PPRC1: variants seen among roughly 807,000 people sequenced by gnomAD.
PPRC1 encodes peroxisome proliferator-activated receptor gamma coactivator-related protein 1.
PPRC1 carries 23 observed loss-of-function variants against 132.5 expected under a neutral mutation model. That is an observed-to-expected ratio of 0.17 (90% confidence interval 0.12 to 0.25). The LOEUF (loss-of-function observed/expected upper bound fraction) is 0.25, where lower values mean the gene tolerates loss of function less well. Among genes scored for constraint, PPRC1 ranks in the 10% least tolerant of loss-of-function variants. The probability of loss-of-function intolerance (pLI) is 1.00; values close to 1 mark genes in which losing one functional copy is unlikely to be tolerated. For synonymous variants in PPRC1, 872 were observed against 833.5 expected (o/e 1.05, Z -0.80); for missense variants, 2,006 against 2,089.1 (o/e 0.96, Z 0.78).
chr10:102,130,435 A>C (rs1448760965), upstream of PPRC1, among the ~76,000 whole-genome samples: 7 of 146,960 alleles, frequency 4.8e-5, no homozygotes, highest in East Asian at 8.2e-4. Context: ...AAAAAAAAAA[A>C]AAAAAAACAA....
the PPRC1 span, among the ~76,000 whole-genome samples, chr10:102,127,071 A>G: frequency 9.2e-6 from 1 of 108,448 alleles, no homozygotes; most frequent in Non-Finnish European, 2.0e-5. Flanking sequence ...ATATATATAA[A>G]TTAAAAAAAA....
chr10:102,130,427 A>C (rs572948785), upstream of PPRC1, among the ~76,000 whole-genome samples: 2 of 145,752 alleles, frequency 1.4e-5, no homozygotes, highest in African/African-American at 2.6e-5. Flanking sequence ...AAAAAAAAAA[A>C]AAAAAAAAAA....
chr10:102,134,309 G>T (rs1164415096), intron 1 of PPRC1, among the ~76,000 whole-genome samples: 2 of 152,160 alleles, frequency 1.3e-5, no homozygotes, highest in African/African-American at 2.4e-5. Flanking sequence ...GATGGGAAAA[G>T]TTGGAGGCGG....
At position 102,141,058 on chromosome 10, in the gene PPRC1, G is replaced by A. The variant is rs1228301954; in HGVS notation, c.2550G>A (p.Gln850=). The change falls in exon 5 of 14, where the codon CAG becomes CAA. Residue 850 remains glutamine, a synonymous_variant. Coordinates refer to ENST00000278070, the MANE Select transcript of PPRC1 (RefSeq NM_015062.5). ...ASSPTEQVPS[Q]EMPLLARPSP... ...CTCCCACTGAGCAGGTGCCATCCCAGGAGATGCCACTGTTGGCGAGACCTT... is the reference window on the plus strand; with the variant it reads ...CTCCCACTGAGCAGGTGCCATCCCAAGAGATGCCACTGTTGGCGAGACCTT... 6.2e-7 allele frequency: 1 copy of A among 1,614,032 alleles called. No homozygotes were observed. Among genetic ancestry groups the A allele is most frequent in the South Asian group, 1.1e-5 (1 of 91,092 alleles).
Position 102,149,939 on chromosome 10 carries a change from A to C in PPRC1, c.4905A>C (p.Glu1635Asp), listed in dbSNP as rs1210707752. The change falls in exon 14 of 14, where the codon GAA becomes GAC. Residue 1635 changes from glutamate (E) to aspartate (D), a missense_variant. Around this residue, in one of 2 missense-constraint regions of PPRC1, gnomAD observed 92 missense variants for 171.9 expected, o/e 0.54. Coordinates refer to ENST00000278070, the MANE Select transcript of PPRC1 (RefSeq NM_015062.5). ...RSYSDLDSNREDFDPAPVKSK... is the reference protein window; with the variant it reads ...RSYSDLDSNRDDFDPAPVKSK... ...TTACCTTTATAGACTCCAACCGGGA[A>C]GACTTTGACCCAGCACCTGTAAAGA... 1 of 1,611,832 alleles carries C rather than the reference A, an allele frequency of 6.2e-7. No homozygotes were observed. The highest frequency in any genetic ancestry group is 8.5e-7 in the Non-Finnish European group (1 of 1,177,952).
Position 102,139,271 on chromosome 10 carries a change from T to A in PPRC1, c.763T>A (p.Phe255Ile), listed in dbSNP as rs1034246743. ...DGEEEEEVAS[F>I]SGQILAGELD... ...AGAAGAAGAGGAGGAGGTGGCCAGC[T>A]TCAGTGGCCAGATTCTTGCCGGGGA... is the stretch of plus-strand genomic sequence containing the variant. Residue 255 changes from phenylalanine to isoleucine, a missense_variant, in exon 5 of 14, where the codon TTC (phenylalanine) becomes ATC (isoleucine). By Grantham distance (21) the Phe-to-Ile change is conservative. Around this residue, in one of 2 missense-constraint regions of PPRC1, gnomAD observed 1,914 missense variants for 1,917.2 expected, o/e 1.00. Coordinates refer to ENST00000278070, the MANE Select transcript of PPRC1 (RefSeq NM_015062.5). 13 of 1,614,030 alleles carry A rather than the reference T, an allele frequency of 8.1e-6. No individual in the cohort carries two copies. The African/African-American group carries it at 1.7e-4, about 22-fold the overall frequency.
chr10:102,127,051 ATATATATATATATAT>A, the PPRC1 span, among the ~76,000 whole-genome samples: 1 of 59,348 alleles, frequency 1.7e-5, no homozygotes, highest in Admixed American at 2.3e-4. Context: ...ATATATATAT[ATATATATATATATAT>A]ATAAATTAAA....
chr10:102,145,560 G>A (rs1196989461), intron 8 of PPRC1, among the ~76,000 whole-genome samples: 3 of 140,964 alleles, frequency 2.1e-5, no homozygotes, highest in African/African-American at 8.0e-5. Flanking sequence ...GACAGAGCAA[G>A]ACTATCTAAA....
rs1429795701 is a variant in PPRC1, at chr10:102,141,164, C to T, written c.2656C>T (p.Leu886Phe). The T allele has an allele frequency of 6.2e-7, 1 of 1,614,012 alleles. No individual in the cohort carries two copies. Among genetic ancestry groups the T allele is most frequent in the South Asian group, 1.1e-5 (1 of 91,088 alleles). The change falls in exon 5 of 14, where the codon CTT becomes TTT. Residue 886 changes from leucine (L) to phenylalanine (F), a missense_variant. By Grantham distance (22) the Leu-to-Phe change is conservative. Around this residue, in one of 2 missense-constraint regions of PPRC1, gnomAD observed 1,914 missense variants for 1,917.2 expected, o/e 1.00. Transcript: ENST00000278070. ...SAALPFPAGG[L>F]GMPPSLPPPP... The stretch of plus-strand genomic sequence containing the variant: ...TGCCCTGCCTTTCCCTGCAGGTGGG[C>T]TTGGCATGCCCCCCAGTCTGCCCCC...
chr10:102,126,108 C>T, the PPRC1 span, among the ~76,000 whole-genome samples: 5 of 151,762 alleles, frequency 3.3e-5, no homozygotes, highest in African/African-American at 4.8e-5. Flanking sequence ...GTGATCCACC[C>T]GCCTTGGCCT....
upstream of PPRC1, among the ~76,000 whole-genome samples, chr10:102,131,483 T>G (rs2133569726): frequency 6.6e-6 from 1 of 152,308 alleles, no homozygotes; most frequent in Non-Finnish European, 1.5e-5. Context: ...ATGCAATATT[T>G]CTAAAGGGCA....
intron 12 of PPRC1, 71 bp downstream of exon 12, chr10:102,149,009 C>A: frequency 1.3e-6 from 2 of 1,587,356 alleles, no homozygotes; most frequent in Non-Finnish European, 1.7e-6. Flanking sequence ...CTTTGTCTTG[C>A]CTCCTTGCTC....
upstream of PPRC1, among the ~76,000 whole-genome samples, chr10:102,129,746 A>C (rs904478944): frequency 3.9e-5 from 6 of 152,140 alleles, no homozygotes; most frequent in African/African-American, 1.4e-4. Context: ...CTGGGATTAC[A>C]GGTAGGCGCC....
chr10:102,147,038 C>T lies in PPRC1; in HGVS notation c.4046C>T (p.Ala1349Val). 6.2e-7 allele frequency: 1 copy of T among 1,614,170 alleles called. No individual in the cohort carries two copies. Among genetic ancestry groups the T allele is most frequent in the Non-Finnish European group, 8.5e-7 (1 of 1,180,010 alleles). ...GCCCCTCCGCCCCCATGCATAGCTG[C>T]CTCCCGGGAGCCGCTTGATCACAGG... The part of the protein sequence containing the change: ...PAAPPPPCIA[A>V]SREPLDHRTS... The change falls in exon 9 of 14, where the codon GCC becomes GTC. Residue 1349 changes from alanine (A) to valine (V), a missense_variant. Ala to Val is a moderately conservative substitution (Grantham distance 64, BLOSUM62 0). Transcript: ENST00000278070.
upstream of PPRC1, chr10:102,132,937 T>G (rs2068572430): frequency 5.0e-6 from 6 of 1,198,274 alleles, no homozygotes; most frequent in Non-Finnish European, 6.3e-6. Flanking sequence ...AGGGTGCAAG[T>G]GGGTCTCGCC....
upstream of PPRC1, among the ~76,000 whole-genome samples, chr10:102,129,639 C>T (rs370652370): frequency 2.0e-5 from 3 of 151,810 alleles, no homozygotes; most frequent in Non-Finnish European, 2.9e-5. Flanking sequence ...AGTCTCGCCC[C>T]GTCGCCCAGG....
At chr10:102,136,217 T>G (rs961203548) in intron 1 of PPRC1, among the ~76,000 whole-genome samples, 1 of 152,124 alleles carries the variant, frequency 6.6e-6, no homozygotes, top group Admixed American at 6.6e-5. Context: ...CACTTTTTGC[T>G]TATTCTCTGG....
chr10:102,140,322 T>C lies in PPRC1; in HGVS notation c.1814T>C (p.Val605Ala). ...GTTGGCCCTGTTCTAGCTGGCCCTG[T>C]ACCTGTTGACCCTGGGTTGGTTGAC... ...TAVGPVLAGP[V>A]PVDPGLVDLA... The change falls in exon 5 of 14, where the codon GTA becomes GCA. Residue 605 changes from valine to alanine, a missense_variant. Transcript: ENST00000278070. 1.2e-6 allele frequency: 2 copies of C among 1,614,224 alleles called. No individual in the cohort carries two copies. The highest frequency in any genetic ancestry group is 8.5e-7 in the Non-Finnish European group (1 of 1,180,042).
chr10:102,148,987 A>G lies in PPRC1; in HGVS notation c.4739+49A>G, dbSNP rs772408004. 4.4e-5 allele frequency: 70 copies of G among 1,600,588 alleles called. 1 individual carries two copies. The highest frequency in any genetic ancestry group is 8.9e-5 in the East Asian group (4 of 44,718). The stretch of plus-strand genomic sequence containing the variant: ...GATGTTCTTTCTATCCCATTCATCT[A>G]CCTTGGTGTTTCTTTGTCTTGCCTC... On this transcript the variant is annotated intron_variant, in intron 12 of 13. Coordinates refer to ENST00000278070, the MANE Select transcript of PPRC1 (RefSeq NM_015062.5). This position sits in a 1 kb window ranked among gnomAD's most constrained non-coding sequence, Gnocchi z 4.2.
Sources: gnomAD v4.1 joint callset for allele counts (sites outside exome capture counted in the v4.1 genomes callset) on GRCh38, gnomAD v4.1.1 for gene constraint, gnomAD v4.1.1 regional missense constraint, Gnocchi (gnomAD v3.1) non-coding constraint, MANE v1.5 for transcripts, NCBI Gene and HGNC (gene_info 2026-07-23, HGNC 2026-07-21) for gene names.